Variants in RAD51B observed in about 807,000 individuals in gnomAD.
RAD51B encodes RAD51 paralog B.
Under a neutral mutation model 42.2 loss-of-function variants are expected in RAD51B, and 38 were observed. That is an observed-to-expected ratio of 0.90 (90% CI 0.70 to 1.18). RAD51B has a LOEUF of 1.18. RAD51B is among the 50% of genes most tolerant of loss of function. The pLI is 0.00. For missense variants in RAD51B, 373 were observed against 400.7 expected (o/e 0.93, Z 0.59); for synonymous variants, 154 against 145.2 (o/e 1.06, Z -0.43).
chr14:68,052,620 T>C (rs1595329428), intron 7 of RAD51B, among the ~76,000 whole-genome samples: 2 of 140,236 alleles, frequency 1.4e-5, no homozygotes, highest in African/African-American at 6.1e-5. Flanking sequence ...CTTCTTCTTC[T>C]TCTTCTTCTT....
chr14:67,848,706 T>G (rs527333222), intron 4 of RAD51B, among the ~76,000 whole-genome samples: 83 of 152,322 alleles, frequency 5.4e-4, no homozygotes, highest in African/African-American at 1.9e-3. Flanking sequence ...AGTGTGTTTT[T>G]GTGGTAGCAG....
At chr14:67,898,481 C>T (rs2043497950) in intron 7 of RAD51B, among the ~76,000 whole-genome samples, 1 of 152,146 alleles carries the variant, frequency 6.6e-6, no homozygotes, top group South Asian at 2.1e-4. Flanking sequence ...TTTAGTTACA[C>T]AAGATGATAA....
chr14:68,195,043 C>T (rs1185416222), intron 7 of RAD51B, among the ~76,000 whole-genome samples: 1 of 151,954 alleles, frequency 6.6e-6, no homozygotes, highest in Non-Finnish European at 1.5e-5. Context: ...GTGGTAGGAC[C>T]TGGGGATATG....
At chr14:68,178,742 G>A (rs989783921) in intron 7 of RAD51B, among the ~76,000 whole-genome samples, 2 of 152,174 alleles carry the variant, frequency 1.3e-5, no homozygotes, top group African/African-American at 4.8e-5. Flanking sequence ...TCTCAGTAAA[G>A]CACCATTAGA....
intron 8 of RAD51B, chr14:68,339,015 G>A (rs1595726462): frequency 1.5e-6 from 1 of 656,910 alleles, no homozygotes; most frequent in East Asian, 3.1e-5. Context: ...ACATGGGGCA[G>A]GCAGGCAGAA....
At chr14:67,895,502 C>T (rs975519109) in intron 7 of RAD51B, among the ~76,000 whole-genome samples, 1 of 152,116 alleles carries the variant, frequency 6.6e-6, no homozygotes, top group Non-Finnish European at 1.5e-5. Flanking sequence ...ACATCATTTT[C>T]CCAAAGTGTA....
intron 7 of RAD51B, among the ~76,000 whole-genome samples, chr14:68,217,849 C>T (rs1363174591): frequency 6.6e-6 from 1 of 152,160 alleles, no homozygotes; most frequent in African/African-American, 2.4e-5. Context: ...TGTTACTTAA[C>T]TTTGAAAGGA....
chr14:68,404,344 A>T (rs144947960), intron 8 of RAD51B, among the ~76,000 whole-genome samples: 277 of 152,332 alleles, frequency 1.8e-3, no homozygotes, highest in Non-Finnish European at 3.3e-3. Flanking sequence ...AGGTTCACTT[A>T]TCTGTTTCCT....
chr14:68,295,349 G>T (rs2081592593), intron 8 of RAD51B, among the ~76,000 whole-genome samples: 1 of 152,150 alleles, frequency 6.6e-6, no homozygotes, highest in Non-Finnish European at 1.5e-5. Flanking sequence ...AATAAGGGTG[G>T]TGGGGCGGGG....
chr14:68,604,629 G>T (rs1005420642), intron 10 of RAD51B, among the ~76,000 whole-genome samples: 6 of 152,336 alleles, frequency 3.9e-5, no homozygotes, highest in Non-Finnish European at 7.4e-5. Flanking sequence ...TGCCCCAGCG[G>T]CAGCGCCATG....
At chr14:67,912,558 A>G (rs888189926) in intron 7 of RAD51B, among the ~76,000 whole-genome samples, 2 of 152,328 alleles carry the variant, frequency 1.3e-5, no homozygotes, top group South Asian at 2.1e-4. Flanking sequence ...GCTCACTGTA[A>G]TAGAATGCAA....
intron 10 of RAD51B, among the ~76,000 whole-genome samples, chr14:68,502,629 CCAAGG>C (rs1235238757): frequency 6.6e-6 from 1 of 152,210 alleles, no homozygotes; most frequent in Admixed American, 6.5e-5. Flanking sequence ...CTCCTGGCTT[CCAAGG>C]CGCACTTCTA....
intron 7 of RAD51B, among the ~76,000 whole-genome samples, chr14:68,224,847 C>A (rs2080003601): frequency 6.6e-6 from 1 of 152,066 alleles, no homozygotes; most frequent in South Asian, 2.1e-4. Context: ...GTGTCCGCTG[C>A]CACGCCCAGC....
At chr14:68,064,537 T>C (rs2076619196) in intron 7 of RAD51B, among the ~76,000 whole-genome samples, 1 of 152,094 alleles carries the variant, frequency 6.6e-6, no homozygotes, top group African/African-American at 2.4e-5. Context: ...TTAAATAGTT[T>C]TTATAGGCCT....
intron 7 of RAD51B, among the ~76,000 whole-genome samples, chr14:68,014,984 A>G (rs1469074464): frequency 6.6e-6 from 1 of 152,048 alleles, no homozygotes; most frequent in Non-Finnish European, 1.5e-5. Context: ...GTGTGGAGGC[A>G]TGGTGAAGGG....
At chr14:67,922,657 A>G (rs1477753993) in intron 7 of RAD51B, among the ~76,000 whole-genome samples, 1 of 150,616 alleles carries the variant, frequency 6.6e-6, no homozygotes, top group African/African-American at 2.4e-5. Flanking sequence ...CCCATCACCC[A>G]AGCAGTGTAC....
rs1328155016 is a variant in RAD51B at position 68,653,142 on chromosome 14, G to C, written c.*11+2286G>C. 2.6e-5 allele frequency among the ~76,000 whole-genome samples: 4 copies of C among 152,208 alleles called. No homozygotes were observed. In the East Asian group the frequency reaches 7.7e-4, roughly 29 times the overall value. The stretch of plus-strand genomic sequence containing the variant: ...GGCTCACGGTGACCCACATCCCACA[G>C]GTGGAGAGTATATAACTATTAAGTC... On this transcript the variant is annotated intron_variant, in intron 11 of 11. Transcript: ENST00000488612.
chr14:68,632,196 T>C (rs1027038150), intron 10 of RAD51B, among the ~76,000 whole-genome samples: 6 of 152,168 alleles, frequency 3.9e-5, no homozygotes, highest in African/African-American at 1.4e-4. Context: ...TCTGGAGCCT[T>C]CTTGCCCATC....
rs1035659619 is a variant in RAD51B, at chr14:68,603,098, C to T, written c.1037-7908C>T. ...AAAGCTGCCCTTACGTGTTCCTCTC[C>T]TCTCCCTCTAGTGTCTCAAGGCCAG... On this transcript the variant is annotated intron_variant, in intron 10 of 10. Transcript: ENST00000487861. 5.3e-5 allele frequency among the ~76,000 whole-genome samples: 8 copies of T among 152,336 alleles called. No homozygotes were observed. The East Asian group carries it at 1.5e-3, about 29-fold the overall frequency.
Sources: allele counts gnomAD v4.1 joint callset (sites outside exome capture counted in the v4.1 genomes callset), GRCh38; gene constraint gnomAD v4.1.1; transcripts MANE v1.5; gene names NCBI Gene and HGNC (gene_info 2026-07-23, HGNC 2026-07-21).